The following PELI2 variants were observed in gnomAD, a reference collection of about 807,000 sequenced individuals.
The protein encoded by PELI2 is pellino E3 ubiquitin protein ligase family member 2.
PELI2 carries 23 observed loss-of-function variants against 42.3 expected under a neutral mutation model. The observed-to-expected ratio is 0.54, with a 90% CI of 0.39 to 0.77. The LOEUF (loss-of-function observed/expected upper bound fraction) is 0.77. Ranked by LOEUF, PELI2 falls within the 30% of genes least tolerant of loss-of-function variation. The pLI is 0.00. For missense variants in PELI2, 463 were observed against 553.2 expected, an observed-to-expected ratio of 0.84 and a Z score of 1.64; for synonymous variants, 245 against 212.2, an observed-to-expected ratio of 1.15 and a Z score of -1.34.
At chr14:56,150,680 T>G (rs1182807195) in intron 1 of PELI2, among the ~76,000 whole-genome samples, 1 of 152,242 alleles carries the variant, frequency 6.6e-6, no homozygotes, top group Non-Finnish European at 1.5e-5. Context: ...GCTAGAAAAG[T>G]GGCAGATTTA....
intron 2 of PELI2, among the ~76,000 whole-genome samples, chr14:56,278,472 A>C (rs1447370169): frequency 6.6e-6 from 1 of 152,204 alleles, no homozygotes; most frequent in Non-Finnish European, 1.5e-5. Flanking sequence ...ATTTAAGACG[A>C]TGTCTGTTAG....
intron 2 of PELI2, among the ~76,000 whole-genome samples, chr14:56,251,646 G>A (rs10483658): frequency 0.098 from 14,895 of 152,136 alleles, 947 homozygotes; most frequent in Non-Finnish European, 0.14. Context: ...TTTCAGTCTC[G>A]TCATACCCTG....
intron 2 of PELI2, among the ~76,000 whole-genome samples, chr14:56,212,525 C>A (rs1329675057): frequency 6.6e-6 from 1 of 152,178 alleles, no homozygotes. Context: ...CCTGGCCCAG[C>A]TCCTGCAGTG....
chr14:56,204,993 G>A (rs1324168950), intron 2 of PELI2, among the ~76,000 whole-genome samples: 1 of 145,714 alleles, frequency 6.9e-6, no homozygotes. Flanking sequence ...CCATGCCACT[G>A]CACCGCAGCC....
At chr14:56,238,279 A>G (rs915382760) in intron 2 of PELI2, among the ~76,000 whole-genome samples, 2 of 152,148 alleles carry the variant, frequency 1.3e-5, no homozygotes, top group Non-Finnish European at 2.9e-5. Flanking sequence ...GAGGAATTTC[A>G]TTTACTGTCT....
chr14:56,139,055 G>A (rs1883798453), intron 1 of PELI2, among the ~76,000 whole-genome samples: 7 of 152,200 alleles, frequency 4.6e-5, no homozygotes. Context: ...GAGACAGCTG[G>A]GTTGAGGGGG....
At chr14:56,236,276 C>T (rs567273795) in intron 2 of PELI2, among the ~76,000 whole-genome samples, 2 of 152,292 alleles carry the variant, frequency 1.3e-5, no homozygotes, top group South Asian at 2.1e-4. Context: ...ATTCTAGCTA[C>T]GGCTCTTTGT....
At chr14:56,262,040 G>A (rs1888731583) in intron 2 of PELI2, among the ~76,000 whole-genome samples, 1 of 152,180 alleles carries the variant, frequency 6.6e-6, no homozygotes, top group African/African-American at 2.4e-5. Context: ...ATTCAGCATA[G>A]GCTTTATCCG....
chr14:56,239,953 G>A (rs1192148508), intron 2 of PELI2, among the ~76,000 whole-genome samples: 1 of 152,192 alleles, frequency 6.6e-6, no homozygotes, highest in Non-Finnish European at 1.5e-5. Flanking sequence ...TAGCAGAAAA[G>A]AGTAGGATTT....
At chr14:56,129,361 G>C (rs1883396722) in intron 1 of PELI2, among the ~76,000 whole-genome samples, 1 of 152,272 alleles carries the variant, frequency 6.6e-6, no homozygotes, top group African/African-American at 2.4e-5. Context: ...GCGATGGCAA[G>C]GGTGAGGTGA....
In PELI2 at chr14:56,178,468, G is replaced by A; in HGVS notation, c.207+4G>A. ...ATCCACGCCCCAGGCATCCAAGGTA[G>A]GTGGGTCTGTCAAGAGTTGGGAGGG... is the stretch of plus-strand genomic sequence containing the variant. On this transcript the variant is annotated splice_donor_region_variant and intron_variant, in intron 2 of 5. Transcript: ENST00000267460. 6.2e-7 allele frequency: 1 copy of A among 1,614,150 alleles called. No homozygotes were observed. Among genetic ancestry groups the A allele is most frequent in the Admixed American group, 1.7e-5 (1 of 60,026 alleles).
At chr14:56,188,128 C>T (rs1409919436) in intron 2 of PELI2, among the ~76,000 whole-genome samples, 1 of 152,182 alleles carries the variant, frequency 6.6e-6, no homozygotes, top group Admixed American at 6.5e-5. Context: ...TCTTGTAAAT[C>T]CCCACAAGTG....
intron 4 of PELI2, among the ~76,000 whole-genome samples, chr14:56,289,623 G>A (rs910934205): frequency 1.9e-4 from 26 of 138,960 alleles, no homozygotes; most frequent in South Asian, 2.5e-4. Flanking sequence ...CCCAACCCCC[G>A]CCCCAGCCAC....
intron 2 of PELI2, among the ~76,000 whole-genome samples, chr14:56,267,558 C>A (rs568795899): frequency 1.3e-3 from 191 of 152,256 alleles, no homozygotes; most frequent in Non-Finnish European, 2.3e-3. Flanking sequence ...TTGTAATCTG[C>A]ATGTTTCCAG....
At chr14:56,146,975 T>C (rs1423221078) in intron 1 of PELI2, among the ~76,000 whole-genome samples, 2 of 152,204 alleles carry the variant, frequency 1.3e-5, no homozygotes, top group Non-Finnish European at 2.9e-5. Context: ...CCGTCTCAGC[T>C]CTAGGCAACC....
At chr14:56,135,986 T>C (rs7157209) in intron 1 of PELI2, among the ~76,000 whole-genome samples, 7,461 of 152,324 alleles carry the variant, frequency 0.049, 236 homozygotes, top group Non-Finnish European at 0.067. Context: ...GGATGAGGCT[T>C]ACCTCGTTGA....
At chr14:56,251,793 C>CTAGCA (rs1204478933) in intron 2 of PELI2, among the ~76,000 whole-genome samples, 1 of 152,184 alleles carries the variant, frequency 6.6e-6, no homozygotes, top group African/African-American at 2.4e-5. Flanking sequence ...TTATTTAAAG[C>CTAGCA]TAGCATAGCA....
intron 1 of PELI2, among the ~76,000 whole-genome samples, chr14:56,134,657 CTTG>C (rs544392583): frequency 6.1e-4 from 93 of 152,104 alleles, no homozygotes; most frequent in African/African-American, 2.0e-3. Flanking sequence ...TTGAGTGCAG[CTTG>C]TTGTATTTGA....
At chr14:56,187,755 G>C (rs1885818377) in intron 2 of PELI2, among the ~76,000 whole-genome samples, 3 of 152,168 alleles carry the variant, frequency 2.0e-5, no homozygotes, top group Non-Finnish European at 2.9e-5. Flanking sequence ...GGGGAGGCAC[G>C]AATGAGTGGC....
Sources: gnomAD v4.1 joint callset for allele counts (sites outside exome capture counted in the v4.1 genomes callset) on GRCh38, gnomAD v4.1.1 for gene constraint, MANE v1.5 for transcripts, NCBI Gene and HGNC (gene_info 2026-07-23, HGNC 2026-07-21) for gene names.